SIRPA: variants seen among roughly 807,000 people sequenced by gnomAD.
The protein encoded by SIRPA is tyrosine-protein phosphatase non-receptor type substrate 1.
In SIRPA, 9 loss-of-function variants were observed where a neutral mutation model predicts 50.3. The ratio of observed to expected loss-of-function variants is 0.18; its 90% CI spans 0.11 to 0.31. The LOEUF (loss-of-function observed/expected upper bound fraction) is 0.31. Ranked by LOEUF, SIRPA falls within the 10% of genes least tolerant of loss-of-function variation. The pLI, the probability that SIRPA is intolerant of heterozygous loss-of-function variation, is 1.00. For synonymous variants in SIRPA, 265 were observed against 284.1 expected, an observed-to-expected ratio of 0.93 and a Z score of 0.68; for missense variants, 474 against 661.6, an observed-to-expected ratio of 0.72 and a Z score of 3.11.
At chr20:1,902,676 G>C (rs1459280688) in intron 1 of SIRPA, among the ~76,000 whole-genome samples, 1 of 152,154 alleles carries the variant, frequency 6.6e-6, no homozygotes, top group Non-Finnish European at 1.5e-5. Flanking sequence ...GGTTAGTCAG[G>C]ACAGAGGGAG....
Position 1,934,737 on chromosome 20 carries a change from G to A in SIRPA, c.1249G>A (p.Ala417Thr), listed in dbSNP as rs1401634189. 7 of 1,614,022 alleles carry A rather than the reference G, an allele frequency of 4.3e-6. No homozygotes were observed. The Admixed American group carries it at 1.2e-4, about 27-fold the overall frequency. The change falls in exon 7 of 8, where the codon GCC (alanine) becomes ACC (threonine). Residue 417 changes from alanine (A) to threonine (T), a missense_variant. This residue lies in a region of SIRPA where 180 missense variants were observed against 206.7 expected (regional missense o/e 0.87). Coordinates refer to ENST00000358771, the MANE Select transcript of SIRPA (RefSeq NM_001040023.2). The surrounding 1 kb of genome is among the most constrained non-coding windows in gnomAD (Gnocchi z 4.6). The part of the protein sequence containing the change: ...STRLHEPEKN[A>T]REITQDTNDI... ...TAGGTTGCATGAGCCCGAGAAGAATGCCAGAGAAATAACACAGGTACAGTC... is the reference window on the plus strand; with the variant it reads ...TAGGTTGCATGAGCCCGAGAAGAATACCAGAGAAATAACACAGGTACAGTC...
At chr20:1,895,365 T>G, upstream of SIRPA, 1 of 806,396 alleles carries the variant, frequency 1.2e-6, no homozygotes, top group Admixed American at 4.3e-5. Context: ...GGGGGGAGCC[T>G]TAGTCATTTC....
At chr20:1,921,939 C>T (rs541270588) in intron 3 of SIRPA, among the ~76,000 whole-genome samples, 18 of 152,262 alleles carry the variant, frequency 1.2e-4, no homozygotes, top group African/African-American at 4.1e-4. Context: ...CTGTGCTAGC[C>T]GTTTCATTTA....
chr20:1,916,602 G>A (rs1049036302), intron 2 of SIRPA, among the ~76,000 whole-genome samples: 8 of 152,168 alleles, frequency 5.3e-5, no homozygotes, highest in Non-Finnish European at 2.9e-5. Context: ...TTGGAAAACC[G>A]CTCCCAAATG....
intron 1 of SIRPA, among the ~76,000 whole-genome samples, chr20:1,908,844 A>G (rs533801518): frequency 1.6e-4 from 24 of 152,252 alleles, no homozygotes; most frequent in African/African-American, 5.5e-4. Flanking sequence ...TAATGTTCAC[A>G]TGTTCTCTGC....
At position 1,934,552 on chromosome 20, in the gene SIRPA, C is replaced by G. The variant is rs1986462879; in HGVS notation, c.1227-163C>G. Among the ~76,000 whole-genome samples, 1 of 152,192 alleles carries G rather than the reference C, an allele frequency of 6.6e-6. No homozygotes were observed. Among genetic ancestry groups the G allele is most frequent in the Admixed American group, 6.5e-5 (1 of 15,280 alleles). Reference sequence around the variant, plus strand: ...GAATTCCTTTTTAGTGAGATTGACCCCTTTGTCCAAACATTTGATATGCAG... The same window carrying G: ...GAATTCCTTTTTAGTGAGATTGACCGCTTTGTCCAAACATTTGATATGCAG... On this transcript the variant is annotated intron_variant, in intron 6 of 7. Coordinates refer to ENST00000358771, the MANE Select transcript of SIRPA (RefSeq NM_001040023.2). This position sits in a 1 kb window ranked among gnomAD's most constrained non-coding sequence, Gnocchi z 4.6.
At chr20:1,907,510 G>A (rs1189905815) in intron 1 of SIRPA, among the ~76,000 whole-genome samples, 1 of 152,184 alleles carries the variant, frequency 6.6e-6, no homozygotes, top group African/African-American at 2.4e-5. Flanking sequence ...TTGCTCATGT[G>A]GTTCCCTCCT....
rs1489241956 is a variant in SIRPA at position 1,937,380 on chromosome 20, C to T, written c.1327C>T (p.Gln443Ter). The change falls in exon 8 of 8, where the codon CAG becomes TAG. Residue 443 changes from glutamine to a stop codon, truncating the protein, a stop_gained. Transcript: ENST00000358771. LOFTEE classifies it high-confidence loss of function. This position sits in a 1 kb window ranked among gnomAD's most constrained non-coding sequence, Gnocchi z 8.3. ...GCCCAAGGGGAAGAAGCCTGCTCCCCAGGCTGCGGAGCCCAACAACCACAC... is the reference window on the plus strand; with the variant it reads ...GCCCAAGGGGAAGAAGCCTGCTCCCTAGGCTGCGGAGCCCAACAACCACAC... ...NLPKGKKPAP[Q>*]AAEPNNHTEY... The T allele has an allele frequency of 1.2e-6, 2 of 1,614,002 alleles. No homozygotes were observed. Among genetic ancestry groups the T allele is most frequent in the African/African-American group, 2.7e-5 (2 of 74,896 alleles).
At chr20:1,929,310 C>T (rs762660519) in intron 6 of SIRPA, among the ~76,000 whole-genome samples, 6 of 151,946 alleles carry the variant, frequency 3.9e-5, no homozygotes, top group South Asian at 2.1e-4. Flanking sequence ...AGATGGTGAC[C>T]TGGACCAAAG....
At chr20:1,894,455 A>ACCCGGCCTCTGGGCAG (rs1391150805), upstream of SIRPA, 1 of 151,786 alleles carries the variant, frequency 6.6e-6, no homozygotes, top group East Asian at 2.0e-4. This position sits in a 1 kb window ranked among gnomAD's most constrained non-coding sequence, Gnocchi z 4.0. Context: ...TGGAGCGGGG[A>ACCCGGCCTCTGGGCAG]CCCGGCCTCT....
intron 1 of SIRPA, among the ~76,000 whole-genome samples, chr20:1,914,104 A>G (rs372146964): frequency 1.8e-4 from 28 of 152,168 alleles, no homozygotes; most frequent in South Asian, 1.5e-3. Context: ...AGCCACAGCC[A>G]CCTCCTTGTT....
rs866251007 is a variant in SIRPA, at chr20:1,932,032, C to G, written c.1227-2683C>G. 2.0e-5 allele frequency among the ~76,000 whole-genome samples: 3 copies of G among 151,962 alleles called. No homozygotes were observed. The highest frequency in any genetic ancestry group is 4.4e-5 in the Non-Finnish European group (3 of 68,026). ...AAAAGGCCCACCCCTGGTCTCATGGCACTTAAGAGCCAGTGAGAAAGATTC... is the reference window on the plus strand; with the variant it reads ...AAAAGGCCCACCCCTGGTCTCATGGGACTTAAGAGCCAGTGAGAAAGATTC... On this transcript the variant is annotated intron_variant, in intron 6 of 7. Transcript: ENST00000358771. The surrounding 1 kb of genome is among the most constrained non-coding windows in gnomAD (Gnocchi z 6.0).
intron 2 of SIRPA, among the ~76,000 whole-genome samples, 185 bp from the exon 3 acceptor site, chr20:1,921,210 T>G (rs1024305717): frequency 6.6e-6 from 1 of 152,218 alleles, no homozygotes; most frequent in Admixed American, 6.5e-5. Context: ...ACATGGGTCC[T>G]CACCTCTCCC....
chr20:1,929,563 C>T (rs781025573), intron 6 of SIRPA, among the ~76,000 whole-genome samples: 218 of 121,140 alleles, frequency 1.8e-3, no homozygotes, highest in Non-Finnish European at 2.3e-3. Flanking sequence ...GCATCAGGTG[C>T]CCCGCTCCTG....
Position 1,933,411 on chromosome 20 carries a change from C to G in SIRPA, c.1227-1304C>G, listed in dbSNP as rs80177006. 1.3e-5 allele frequency among the ~76,000 whole-genome samples: 2 copies of G among 151,684 alleles called. No homozygotes were observed. The highest frequency in any genetic ancestry group is 2.9e-5 in the Non-Finnish European group (2 of 67,906). ...ATAACATCAAATGCCACCCCCCCCC[C>G]GAAATATCTGGTGGGCAGATGAGTG... On this transcript the variant is annotated intron_variant, in intron 6 of 7. Transcript: ENST00000358771. The surrounding 1 kb of genome is among the most constrained non-coding windows in gnomAD (Gnocchi z 4.4).
chr20:1,915,239 C>T lies in SIRPA; in HGVS notation c.220C>T (p.Pro74Ser), dbSNP rs539268857. The stretch of plus-strand genomic sequence containing the variant: ...CATCCAGTGGTTCAGAGGAGCTGGA[C>T]CAGGCCGGGAATTAATCTACAATCA... ...GPIQWFRGAG[P>S]GRELIYNQKE... The change falls in exon 2 of 8, where the codon CCA (proline) becomes TCA (serine). Residue 74 changes from proline (P) to serine (S), a missense_variant. Around this residue, in one of 4 missense-constraint regions of SIRPA, gnomAD observed 221 missense variants for 359.9 expected, o/e 0.61. Transcript: ENST00000358771. The T allele has an allele frequency of 1.9e-6, 3 of 1,611,516 alleles. No homozygotes were observed. The highest frequency in any genetic ancestry group is 2.2e-5 in the South Asian group (2 of 90,862).
In SIRPA at chr20:1,924,007, TG is replaced by T. The variant is rs1481018380; in HGVS notation, c.1088-755del. Among the ~76,000 whole-genome samples, 3 of 151,956 alleles carry T rather than the reference TG, an allele frequency of 2.0e-5. No individual in the cohort carries two copies. Among genetic ancestry groups the T allele is most frequent in the Non-Finnish European group, 1.5e-5 (1 of 67,930 alleles). On this transcript the variant is annotated intron_variant, in intron 4 of 7. Coordinates refer to ENST00000358771, the MANE Select transcript of SIRPA (RefSeq NM_001040023.2). The surrounding 1 kb of genome is among the most constrained non-coding windows in gnomAD (Gnocchi z 4.5). ...TTGGTTGGTTGGTTGGTTGGTTGGT[TG>T]GTTGGTTGGTTGGTTACATAATCCT...
intron 1 of SIRPA, among the ~76,000 whole-genome samples, chr20:1,896,285 C>T (rs1983814313): frequency 6.6e-6 from 1 of 152,232 alleles, no homozygotes; most frequent in Non-Finnish European, 1.5e-5. Context: ...TTACCTGTGG[C>T]TCTGACCATG....
rs755486043 is a variant in SIRPA, at chr20:1,915,399, G to A, written c.380G>A (p.Gly127Glu). The stretch of plus-strand genomic sequence containing the variant: ...TACTACTGTGTGAAGTTCCGGAAAG[G>A]GAGCCCCGATGACGTGGAGTTTAAG... ...GTYYCVKFRKGSPDDVEFKSG... is the reference protein window; with the variant it reads ...GTYYCVKFRKESPDDVEFKSG... Residue 127 changes from glycine to glutamate, a missense_variant, in exon 2 of 8, where the codon GGG becomes GAG. By Grantham distance (98) the Gly-to-Glu change is moderately conservative. This residue lies in a region of SIRPA where 221 missense variants were observed against 359.9 expected (regional missense o/e 0.61). Coordinates refer to ENST00000358771, the MANE Select transcript of SIRPA (RefSeq NM_001040023.2). The A allele has an allele frequency of 1.3e-6, 2 of 1,590,664 alleles. No homozygotes were observed. The highest frequency in any genetic ancestry group is 1.1e-5 in the South Asian group (1 of 89,946).
Sources: allele counts gnomAD v4.1 joint callset (sites outside exome capture counted in the v4.1 genomes callset), GRCh38; gene constraint gnomAD v4.1.1; regional missense constraint gnomAD v4.1.1; non-coding constraint Gnocchi (gnomAD v3.1); transcripts MANE v1.5; gene names NCBI Gene and HGNC (gene_info 2026-07-23, HGNC 2026-07-21).